SAXO1: variants seen among roughly 807,000 people sequenced by gnomAD.
The protein encoded by SAXO1 is stabilizer of axonemal microtubules 1, also known as 4930500O09Rik.
Under a neutral mutation model 17.5 loss-of-function variants are expected in SAXO1, and 21 were observed. The ratio of observed to expected loss-of-function variants is 1.20; its 90% CI spans 0.85 to 1.72. The LOEUF (loss-of-function observed/expected upper bound fraction) is 1.72, where lower values mean the gene tolerates loss of function less well. Ranked by LOEUF, SAXO1 falls within the 40% of genes most tolerant of loss-of-function variation. The probability of loss-of-function intolerance (pLI) is 0.00; values close to 1 mark genes in which losing one functional copy is unlikely to be tolerated. For missense variants in SAXO1, 843 were observed against 596.0 expected, an observed-to-expected ratio of 1.41 and a Z score of -4.32; for synonymous variants, 274 against 216.5, an observed-to-expected ratio of 1.27 and a Z score of -2.33.
chr9:19,015,262 C>T (rs1174296326), intron 1 of SAXO1, among the ~76,000 whole-genome samples: 1 of 152,214 alleles, frequency 6.6e-6, no homozygotes, highest in Non-Finnish European at 1.5e-5. Flanking sequence ...AGCTCCTGGG[C>T]TCCAGCAATC....
intron 1 of SAXO1, chr9:19,028,113 C>T: frequency 4.3e-6 from 7 of 1,609,904 alleles, no homozygotes; most frequent in Non-Finnish European, 5.9e-6. Context: ...AGAAGAAAGC[C>T]AACCTACAGT....
intron 2 of SAXO1, among the ~76,000 whole-genome samples, chr9:18,944,111 G>A (rs1178722042): frequency 2.6e-5 from 4 of 151,914 alleles, no homozygotes; most frequent in Admixed American, 1.3e-4. Context: ...AAAGCCAATC[G>A]CCTTTTCCAG....
At chr9:18,986,673 C>G (rs542827260) in intron 1 of SAXO1, among the ~76,000 whole-genome samples, 6 of 151,994 alleles carry the variant, frequency 3.9e-5, no homozygotes, top group Non-Finnish European at 8.8e-5. Flanking sequence ...AAAAGTTTAC[C>G]TGAAAATATC....
chr9:18,962,635 T>C (rs1164569439), intron 1 of SAXO1, among the ~76,000 whole-genome samples: 1 of 152,044 alleles, frequency 6.6e-6, no homozygotes, highest in Non-Finnish European at 1.5e-5. Flanking sequence ...GTTCATATCG[T>C]TCACCCACTT....
chr9:19,008,529 GGGA>G (rs754786186), intron 1 of SAXO1, among the ~76,000 whole-genome samples: 3 of 152,270 alleles, frequency 2.0e-5, no homozygotes, highest in South Asian at 2.1e-4. Flanking sequence ...GGGTGAACAG[GGGA>G]GGAGAGAGGC....
intron 1 of SAXO1, chr9:19,027,914 G>A: frequency 1.4e-6 from 2 of 1,386,174 alleles, no homozygotes; most frequent in South Asian, 1.2e-5. Context: ...GAATCATGCA[G>A]ATCCACTCCC....
chr9:19,010,247 A>C (rs12553946), intron 1 of SAXO1, among the ~76,000 whole-genome samples: 86,978 of 151,740 alleles, frequency 0.57, 25,125 homozygotes, highest in Non-Finnish European at 0.63. Context: ...ACGTTCTAAA[A>C]CTCCTCAGGC....
rs3839880 is a variant in SAXO1 at position 18,927,936 on chromosome 9, GGTTTTTT to G, written c.*109_*115del. 159 of 1,199,108 alleles carry G rather than the reference GGTTTTTT, an allele frequency of 1.3e-4. No individual in the cohort carries two copies. The highest frequency in any genetic ancestry group is 1.1e-3 in the East Asian group (46 of 41,950). The allele number at this position is 1,199,108 out of a possible 1,614,324, so 74.3% of individuals were successfully genotyped here. A position where few individuals can be genotyped will look rare whatever the true frequency, so the allele number is the denominator to read the frequency against. On this transcript the variant is annotated 3_prime_UTR_variant, in exon 4 of 4. Coordinates refer to ENST00000380534, the MANE Select transcript of SAXO1 (RefSeq NM_153707.4). ...ATTCAAGTGCTCTGGAAGTGGTGAA[GGTTTTTT>G]GTTTTTTGTTTTTTGTCATTTTAGG...
chr9:18,961,397 G>A (rs1832476680), intron 1 of SAXO1, among the ~76,000 whole-genome samples: 1 of 152,138 alleles, frequency 6.6e-6, no homozygotes, highest in Non-Finnish European at 1.5e-5. Context: ...GTGCAGGTTT[G>A]TTACATAGGT....
rs780018042 is a variant in SAXO1, at chr9:19,032,921, G to C, written c.-13C>G. ...ACTTCGTCTTCATAGGGGCGATCCT[G>C]AGGCCCTGACGTCCCCTCAGAGCAT... is the stretch of plus-strand genomic sequence containing the variant. On this transcript the variant is annotated 5_prime_UTR_variant, in exon 1 of 4. Transcript: ENST00000380534. 2 of 1,607,218 alleles carry C rather than the reference G, an allele frequency of 1.2e-6. No individual in the cohort carries two copies. Among genetic ancestry groups the C allele is most frequent in the Non-Finnish European group, 1.7e-6 (2 of 1,178,770 alleles).
At chr9:18,937,916 C>T (rs992525547) in intron 3 of SAXO1, among the ~76,000 whole-genome samples, 1 of 152,148 alleles carries the variant, frequency 6.6e-6, no homozygotes, top group African/African-American at 2.4e-5. Flanking sequence ...AAAAAAAAAC[C>T]TCATAAGACA....
Position 19,033,163 on chromosome 9 carries a change from C to T in SAXO1, c.-255G>A, listed in dbSNP as rs1007788163. ...CGGGAGACCTCACCCTGCACGCCAC[C>T]GCCCCGGCCTCCGCAGTCCAGACTT... On this transcript the variant is annotated 5_prime_UTR_variant, in exon 1 of 4. Coordinates refer to ENST00000380534, the MANE Select transcript of SAXO1 (RefSeq NM_153707.4). The T allele has an allele frequency of 1.2e-5, 5 of 430,802 alleles. No individual in the cohort carries two copies. The highest frequency in any genetic ancestry group is 3.6e-5 in the East Asian group (1 of 28,062). 26.7% of individuals were successfully genotyped at this position (430,802 alleles called of 1,614,324 possible). A position where few individuals can be genotyped will look rare whatever the true frequency, so the allele number is the denominator to read the frequency against.
chr9:19,040,948 A>G (rs1836064601), intron 1 of SAXO1, among the ~76,000 whole-genome samples: 1 of 151,550 alleles, frequency 6.6e-6, no homozygotes, highest in African/African-American at 2.4e-5. Flanking sequence ...AAAATCTTGC[A>G]AAAATTCCCT....
intron 1 of SAXO1, among the ~76,000 whole-genome samples, chr9:19,040,441 G>A (rs958817159): frequency 1.1e-4 from 16 of 152,160 alleles, no homozygotes; most frequent in Middle Eastern, 3.4e-3. Flanking sequence ...CCAGGAGTTC[G>A]AGACCAGCCC....
chr9:18,978,064 T>G (rs1833226011), intron 1 of SAXO1, among the ~76,000 whole-genome samples: 1 of 150,042 alleles, frequency 6.7e-6, no homozygotes, highest in Non-Finnish European at 1.5e-5. Context: ...GAACTAGATC[T>G]TATCATTAAA....
intron 1 of SAXO1, among the ~76,000 whole-genome samples, chr9:18,978,974 G>A (rs1041297945): frequency 1.3e-5 from 2 of 152,154 alleles, no homozygotes; most frequent in African/African-American, 4.8e-5. Flanking sequence ...CTTTGCAGCT[G>A]CAAAGGAATA....
intron 1 of SAXO1, among the ~76,000 whole-genome samples, chr9:19,014,324 T>TG (rs1317880999): frequency 1.3e-5 from 2 of 151,526 alleles, no homozygotes; most frequent in Non-Finnish European, 2.9e-5. Context: ...TAGCTGGGCG[T>TG]GGGGGTGGGC....
At chr9:18,952,354 T>G (rs565014109) in intron 1 of SAXO1, among the ~76,000 whole-genome samples, 98 of 152,314 alleles carry the variant, frequency 6.4e-4, no homozygotes, top group African/African-American at 2.1e-3. Context: ...GGAAGGGAGA[T>G]AAAATGAGAG....
At chr9:18,973,698 T>G (rs1833033368) in intron 1 of SAXO1, among the ~76,000 whole-genome samples, 1 of 152,220 alleles carries the variant, frequency 6.6e-6, no homozygotes, top group East Asian at 1.9e-4. Context: ...ATCTGATCCC[T>G]TTCCTCTGCA....
Sources: gnomAD v4.1 joint callset for allele counts (sites outside exome capture counted in the v4.1 genomes callset) on GRCh38, gnomAD v4.1.1 for gene constraint, MANE v1.5 for transcripts, NCBI Gene and HGNC (gene_info 2026-07-23, HGNC 2026-07-21) for gene names.